The following MACF1 variants were observed in gnomAD, a reference collection of about 807,000 sequenced individuals.
The protein encoded by MACF1 is microtubule-actin cross-linking factor 1.
Under a neutral mutation model 854.8 loss-of-function variants are expected in MACF1, and 193 were observed. That is an observed-to-expected ratio of 0.23 (90% CI 0.20 to 0.25). The LOEUF (loss-of-function observed/expected upper bound fraction) is 0.25, where lower values mean the gene tolerates loss of function less well. Ranked by LOEUF, MACF1 falls within the 10% of genes least tolerant of loss-of-function variation. MACF1 has a pLI of 1.00. For synonymous variants in MACF1, 3,185 were observed against 3,226.7 expected (o/e 0.99, Z 0.44); for missense variants, 7,722 against 8,929.1 (o/e 0.86, Z 5.45).
At position 39,315,677 on chromosome 1, in the gene MACF1, T is replaced by C. The variant is rs576335823; in HGVS notation, c.3435T>C (p.Thr1145=). The change falls in exon 27 of 101, where the codon ACT becomes ACC. Residue 1145 remains threonine, a synonymous_variant. Transcript: ENST00000564288. Reference sequence around the variant, plus strand: ...TGGACCATGTCTATGGTCTCTCTACTGTATATCTGAATAAGTGAGTGAGCT... The same window carrying C: ...TGGACCATGTCTATGGTCTCTCTACCGTATATCTGAATAAGTGAGTGAGCT... ...EKMDHVYGLS[T]VYLNKLKTVD... The C allele has an allele frequency of 6.2e-7, 1 of 1,613,892 alleles. No individual in the cohort carries two copies. Among genetic ancestry groups the C allele is most frequent in the African/African-American group, 1.3e-5 (1 of 75,042 alleles).
intron 2 of MACF1, among the ~76,000 whole-genome samples, chr1:39,197,646 G>A (rs558372939): frequency 6.6e-6 from 1 of 152,308 alleles, no homozygotes; most frequent in East Asian, 1.9e-4. Flanking sequence ...ACTTTGGGAG[G>A]CAGAGGCGGG....
intron 2 of MACF1, among the ~76,000 whole-genome samples, chr1:39,108,065 C>G (rs1197317807): frequency 7.5e-6 from 1 of 133,744 alleles, no homozygotes; most frequent in Non-Finnish European, 1.6e-5. Flanking sequence ...TTTTTTTTTT[C>G]TGTGTGGTGG....
At chr1:39,201,887 A>T (rs1644393502), upstream of MACF1, among the ~76,000 whole-genome samples, 1 of 150,276 alleles carries the variant, frequency 6.7e-6, no homozygotes, top group African/African-American at 2.5e-5. Flanking sequence ...ATTCTGCCTC[A>T]GGGACTTTGC....
chr1:39,481,752 T>G (rs1373454203), intron 99 of MACF1, among the ~76,000 whole-genome samples: 1 of 152,222 alleles, frequency 6.6e-6, no homozygotes, highest in Non-Finnish European at 1.5e-5. Context: ...TAGTGCAGTT[T>G]GCATTCCAGC....
At chr1:39,254,074 T>C (rs1194097327) in intron 4 of MACF1, 5 of 504,936 alleles carry the variant, frequency 9.9e-6, no homozygotes, top group Non-Finnish European at 1.8e-5. Context: ...ATTCTGTGTT[T>C]GCGAGATGCG....
Position 39,458,352 on chromosome 1 carries a change from AT to A in MACF1, c.21076-12del. ...AATACAATATTTAACTCTTTTTCCTATTTTTTGTGTTTAACAGACATTTATG... is the reference window on the plus strand; with the variant it reads ...AATACAATATTTAACTCTTTTTCCTATTTTTGTGTTTAACAGACATTTATG... On this transcript the variant is annotated splice_polypyrimidine_tract_variant and intron_variant, in intron 89 of 100. Coordinates refer to ENST00000564288, the MANE Select transcript of MACF1 (RefSeq NM_001394062.1). 1.2e-6 allele frequency: 2 copies of A among 1,609,578 alleles called. No individual in the cohort carries two copies. Among genetic ancestry groups the A allele is most frequent in the Non-Finnish European group, 1.7e-6 (2 of 1,178,514 alleles).
At chr1:39,305,310 A>G (rs1646148655) in intron 23 of MACF1, among the ~76,000 whole-genome samples, 1 of 151,998 alleles carries the variant, frequency 6.6e-6, no homozygotes, top group Non-Finnish European at 1.5e-5. Context: ...ATATATGTAC[A>G]TATTTTAGAA....
Position 39,335,962 on chromosome 1 carries a change from G to C in MACF1, c.9374G>C (p.Gly3125Ala). The change falls in exon 37 of 101, where the codon GGC becomes GCC. Residue 3125 changes from glycine to alanine, a missense_variant. Gly to Ala is a moderately conservative substitution (Grantham distance 60). Around this residue, in one of 15 missense-constraint regions of MACF1, gnomAD observed 854 missense variants for 852.6 expected, o/e 1.00. Transcript: ENST00000564288. ...TCAGATGGAAAAGCCCAAGTGACAG[G>C]CCCATCCCAAATTTCCAAAACAGAC... ...QESDGKAQVT[G>A]PSQISKTDKS... is the part of the protein sequence containing the mutation. The C allele has an allele frequency of 6.2e-7, 1 of 1,614,044 alleles. No individual in the cohort carries two copies. The highest frequency in any genetic ancestry group is 1.1e-5 in the South Asian group (1 of 91,072).
intron 40 of MACF1, among the ~76,000 whole-genome samples, chr1:39,344,276 T>C (rs1473213079): frequency 1.3e-5 from 2 of 150,680 alleles, no homozygotes; most frequent in East Asian, 1.9e-4. Flanking sequence ...AAAAAAAATA[T>C]ATAAAATTAG....
intron 6 of MACF1, among the ~76,000 whole-genome samples, chr1:39,277,090 C>G (rs1645451149): frequency 6.7e-6 from 1 of 150,252 alleles, no homozygotes. Context: ...TTGAATCACT[C>G]ACATTGCATA....
chr1:39,361,230 G>A (rs963994063), intron 48 of MACF1, 130 bp from the exon 49 acceptor site: 7 of 909,402 alleles, frequency 7.7e-6, no homozygotes, highest in Non-Finnish European at 1.2e-5. Context: ...GTGATGAGAT[G>A]TGTGGTATTC....
intron 61 of MACF1, among the ~76,000 whole-genome samples, chr1:39,425,204 C>T (rs1643685410): frequency 6.6e-6 from 1 of 151,978 alleles, no homozygotes; most frequent in South Asian, 2.1e-4. Context: ...ATGCTAAATT[C>T]TGTCTATTTT....
rs1160274400 is a variant in MACF1, at chr1:39,300,218, G to A, written c.2490G>A (p.Lys830=). The change falls in exon 22 of 101, where the codon AAG becomes AAA. Residue 830 remains lysine, a synonymous_variant. Transcript: ENST00000564288. ...EDLLQDSMDE[K]EQLIQSKSSV... Reference sequence around the variant, plus strand: ...TTCTTATCATTTTGTAGGATGAAAAGGAGCAGCTTATACAGTCCAAGAGTT... The same window carrying A: ...TTCTTATCATTTTGTAGGATGAAAAAGAGCAGCTTATACAGTCCAAGAGTT... 1 of 1,611,056 alleles carries A rather than the reference G, an allele frequency of 6.2e-7. No homozygotes were observed. The highest frequency in any genetic ancestry group is 1.1e-5 in the South Asian group (1 of 90,290).
chr1:39,102,810 AAGCCTCAG>A, intron 2 of MACF1: 2 of 702,576 alleles, frequency 2.8e-6, no homozygotes, highest in Non-Finnish European at 5.2e-6. Context: ...CAAAAGGAGA[AAGCCTCAG>A]AGCTTTTGCG....
Position 39,370,642 on chromosome 1 carries a change from C to T in MACF1, c.13095+456C>T, listed in dbSNP as rs549801901. On this transcript the variant is annotated intron_variant, in intron 51 of 100. Coordinates refer to ENST00000564288, the MANE Select transcript of MACF1 (RefSeq NM_001394062.1). ...CTTTTGTTGAAATAAGCCAAATATG[C>T]CTCTGACTAACTGTCATGCACTTAT... Among the ~76,000 whole-genome samples, 5 of 152,306 alleles carry T rather than the reference C, an allele frequency of 3.3e-5. No homozygotes were observed. The East Asian group carries it at 5.8e-4, about 18-fold the overall frequency.
At chr1:39,338,064 C>T (rs555104160) in intron 38 of MACF1, among the ~76,000 whole-genome samples, 13 of 152,242 alleles carry the variant, frequency 8.5e-5, no homozygotes, top group East Asian at 1.9e-4. Flanking sequence ...CCACCACGCC[C>T]GGCCCTACCA....
chr1:39,366,340 C>CT (rs1474972476), intron 49 of MACF1, among the ~76,000 whole-genome samples: 1 of 151,510 alleles, frequency 6.6e-6, no homozygotes, highest in Non-Finnish European at 1.5e-5. Context: ...TTTTTTTGTT[C>CT]TTTTTTGTTT....
chr1:39,189,034 G>A lies in MACF1; in HGVS notation c.221-42148G>A, dbSNP rs528091549. On this transcript the variant is annotated intron_variant, in intron 2 of 93. Transcript: ENST00000361689. ...ATTATAGGCGTGAGCCATCATGCCC[G>A]GCCCATTGTCAGATTTCATTTAATA... 3.9e-5 allele frequency among the ~76,000 whole-genome samples: 6 copies of A among 152,298 alleles called. No individual in the cohort carries two copies. In the East Asian group the frequency reaches 9.6e-4, roughly 24 times the overall value.
chr1:39,287,717 G>C (rs1645672492), intron 15 of MACF1, 155 bp downstream of exon 15: 3 of 835,978 alleles, frequency 3.6e-6, no homozygotes. Context: ...ATGTTGCCCA[G>C]GCTGGACTGG....
Sources: gnomAD v4.1 joint callset for allele counts (sites outside exome capture counted in the v4.1 genomes callset) on GRCh38, gnomAD v4.1.1 for gene constraint, gnomAD v4.1.1 regional missense constraint, MANE v1.5 for transcripts, NCBI Gene and HGNC (gene_info 2026-07-23, HGNC 2026-07-21) for gene names.